Variants in NRP1 observed in about 807,000 individuals in gnomAD.
NRP1 encodes the protein neuropilin-1.
NRP1 carries 35 observed loss-of-function variants against 106.7 expected under a neutral mutation model. The ratio of observed to expected loss-of-function variants is 0.33; its 90% confidence interval spans 0.25 to 0.43. The LOEUF (loss-of-function observed/expected upper bound fraction) is 0.43. Among genes scored for constraint, NRP1 ranks in the 20% least tolerant of loss-of-function variants. The probability of loss-of-function intolerance (pLI) is 1.00; values close to 1 mark genes in which losing one functional copy is unlikely to be tolerated. For missense variants in NRP1, 1,024 were observed against 1,170.4 expected (o/e 0.87, Z 1.83); for synonymous variants, 437 against 417.9 (o/e 1.05, Z -0.56).
chr10:33,213,064 C>G (rs1180222887), intron 9 of NRP1: 2 of 616,772 alleles, frequency 3.2e-6, no homozygotes, highest in Non-Finnish European at 5.7e-6. Context: ...GTGGTATCTG[C>G]AAGGGGTTCT....
chr10:33,199,454 G>A (rs1339302962), intron 11 of NRP1, among the ~76,000 whole-genome samples: 1 of 128,582 alleles, frequency 7.8e-6, no homozygotes, highest in East Asian at 2.4e-4. Flanking sequence ...TCTGGCCCAG[G>A]CTGGTCTCAA....
intron 9 of NRP1, 86 bp from the exon 10 acceptor site, chr10:33,207,802 T>C (rs1837923427): frequency 6.9e-7 from 1 of 1,458,278 alleles, no homozygotes; most frequent in Non-Finnish European, 9.4e-7. Context: ...CCTTCAGGAC[T>C]CTGAATAAGG....
At chr10:33,212,864 T>G in intron 9 of NRP1, 1 of 193,152 alleles carries the variant, frequency 5.2e-6, no homozygotes, top group Non-Finnish European at 1.1e-5. Flanking sequence ...AGAGATGGGG[T>G]TTCACCGTGC....
chr10:33,287,869 A>T (rs1333119889), intron 2 of NRP1, among the ~76,000 whole-genome samples: 1 of 152,088 alleles, frequency 6.6e-6, no homozygotes, highest in Non-Finnish European at 1.5e-5. Context: ...TCTGCTGAAG[A>T]TCATTTGAGG....
At chr10:33,318,334 A>C in intron 2 of NRP1, among the ~76,000 whole-genome samples, 1 of 152,200 alleles carries the variant, frequency 6.6e-6, no homozygotes, top group East Asian at 1.9e-4. Flanking sequence ...TGTCTCACAG[A>C]CAAGAATGAA....
intron 2 of NRP1, among the ~76,000 whole-genome samples, chr10:33,308,296 C>T (rs1846314055): frequency 6.6e-6 from 1 of 151,580 alleles, no homozygotes; most frequent in South Asian, 2.1e-4. Flanking sequence ...ATAATCTGTA[C>T]ACTAAACCCT....
Position 33,213,652 on chromosome 10 carries a change from A to T in NRP1, c.1348T>A (p.Ser450Thr). Residue 450 changes from serine to threonine, a missense_variant, in exon 9 of 17, where the codon TCC (serine) becomes ACC (threonine). This residue lies in a region of NRP1 where 562 missense variants were observed against 620.3 expected (regional missense o/e 0.91). Coordinates refer to ENST00000374867, the MANE Select transcript of NRP1 (RefSeq NM_003873.7). ...GLISDSQITS[S>T]NQGDRNWMPE... is the part of the protein sequence containing the mutation. ...ATCCAGTTTCTGTCCCCTTGGTTGG[A>T]TGATGTGATCTGGGAGTCAGAAATA... 3 of 1,614,008 alleles carry T rather than the reference A, an allele frequency of 1.9e-6. No homozygotes were observed. The highest frequency in any genetic ancestry group is 2.5e-6 in the Non-Finnish European group (3 of 1,179,966).
chr10:33,179,797 C>T lies in NRP1; in HGVS notation c.*279G>A, dbSNP rs1040354194. 2.8e-5 allele frequency: 11 copies of T among 396,524 alleles called. No individual in the cohort carries two copies. Among genetic ancestry groups the T allele is most frequent in the South Asian group, 4.2e-5 (1 of 24,082 alleles). 24.6% of individuals were successfully genotyped at this position (396,524 alleles called of 1,614,324 possible). On this transcript the variant is annotated 3_prime_UTR_variant, in exon 17 of 17. Transcript: ENST00000374867. ...AGAGAGAGAGAGGGGCAGGAGGGGTCGAAATGAATGATTATGTCAATCATA... is the reference window on the plus strand; with the variant it reads ...AGAGAGAGAGAGGGGCAGGAGGGGTTGAAATGAATGATTATGTCAATCATA...
chr10:33,249,565 A>G (rs1317827583), intron 6 of NRP1: 1 of 504,162 alleles, frequency 2.0e-6, no homozygotes, highest in Non-Finnish European at 4.0e-6. Flanking sequence ...ATGATTAACC[A>G]GAAACAAAGA....
At chr10:33,324,694 T>G (rs1389226977) in intron 2 of NRP1, among the ~76,000 whole-genome samples, 1 of 152,182 alleles carries the variant, frequency 6.6e-6, no homozygotes, top group Non-Finnish European at 1.5e-5. Context: ...TGGAGTGCAA[T>G]GGTGCGGATC....
At chr10:33,281,301 C>T (rs1229131941) in intron 2 of NRP1, among the ~76,000 whole-genome samples, 5 of 152,162 alleles carry the variant, frequency 3.3e-5, no homozygotes, top group East Asian at 1.9e-4. Flanking sequence ...CCACCCATCT[C>T]GGCCTCCCAA....
At chr10:33,181,983 G>C (rs1282784851) in intron 16 of NRP1, among the ~76,000 whole-genome samples, 2 of 152,052 alleles carry the variant, frequency 1.3e-5, no homozygotes, top group African/African-American at 4.8e-5. Flanking sequence ...CCTGTAGTCT[G>C]CTCGGAAGGT....
At chr10:33,197,556 T>G in intron 12 of NRP1, 94 bp downstream of exon 12, 1 of 956,758 alleles carries the variant, frequency 1.0e-6, no homozygotes, top group Middle Eastern at 2.2e-4. Context: ...CATCTCTCCT[T>G]CTAGGACTTT....
rs117535795 is a variant in NRP1 at position 33,266,421 on chromosome 10, C to T, written c.431-2548G>A. On this transcript the variant is annotated intron_variant, in intron 3 of 16. Transcript: ENST00000374867. The stretch of plus-strand genomic sequence containing the variant: ...CAACATTTCTGGTTCTCAAATTCTG[C>T]GCATGACAAATGTGAGTTGGACTTT... Among the ~76,000 whole-genome samples, 473 of 152,274 alleles carry T rather than the reference C, an allele frequency of 3.1e-3. 1 individual carries two copies. The highest frequency in any genetic ancestry group is 5.8e-3 in the Admixed American group (89 of 15,298).
intron 6 of NRP1, 63 bp downstream of exon 6, chr10:33,253,965 C>CA (rs1395296072): frequency 1.8e-5 from 26 of 1,484,530 alleles, no homozygotes; most frequent in Non-Finnish European, 2.3e-5. Context: ...TTTCTTTCAA[C>CA]AACCTCTCTA....
At chr10:33,306,356 GT>G (rs1007382056) in intron 2 of NRP1, among the ~76,000 whole-genome samples, 640 of 3,922 alleles carry the variant, frequency 0.16, 3 homozygotes, top group African/African-American at 0.3. Flanking sequence ...GGTCAGAAGG[GT>G]GTGTGTGTGT....
chr10:33,326,426 G>A (rs937221332), intron 2 of NRP1, among the ~76,000 whole-genome samples: 3 of 152,110 alleles, frequency 2.0e-5, no homozygotes, highest in Admixed American at 2.0e-4. Flanking sequence ...CACTTCACAA[G>A]TGTGCAGGAT....
intron 2 of NRP1, among the ~76,000 whole-genome samples, chr10:33,271,533 C>T (rs1843311187): frequency 6.6e-6 from 1 of 152,170 alleles, no homozygotes; most frequent in Admixed American, 6.5e-5. Context: ...TGTTTATACC[C>T]ACTAGTCTGA....
rs1472652635 is a variant in NRP1 at position 33,310,196 on chromosome 10, G to T, written c.248+20512C>A. ...GATCTCCTGACCTCATGATCTGCCCGCCTCGGCCTCCGAAAGTGCTGGGAT... is the reference window on the plus strand; with the variant it reads ...GATCTCCTGACCTCATGATCTGCCCTCCTCGGCCTCCGAAAGTGCTGGGAT... On this transcript the variant is annotated intron_variant, in intron 2 of 16. Coordinates refer to ENST00000374867, the MANE Select transcript of NRP1 (RefSeq NM_003873.7). Among the ~76,000 whole-genome samples the T allele has an allele frequency of 1.4e-5, 2 of 146,034 alleles. 1 individual carries two copies. The highest frequency in any genetic ancestry group is 5.1e-5 in the African/African-American group (2 of 39,366).
Sources: allele counts gnomAD v4.1 joint callset (sites outside exome capture counted in the v4.1 genomes callset), GRCh38; gene constraint gnomAD v4.1.1; regional missense constraint gnomAD v4.1.1; transcripts MANE v1.5; gene names NCBI Gene and HGNC (gene_info 2026-07-23, HGNC 2026-07-21).